OPCML: variants seen among roughly 807,000 people sequenced by gnomAD.
The protein encoded by OPCML is opioid binding protein/cell adhesion molecule like.
In OPCML, 13 loss-of-function variants were observed where a neutral mutation model predicts 37.8. The observed-to-expected ratio is 0.34, with a 90% confidence interval of 0.22 to 0.55. The LOEUF is 0.55. OPCML is among the 20% of genes least tolerant of loss of function. The pLI is 0.91. For missense variants in OPCML, 341 were observed against 435.6 expected (o/e 0.78, Z 1.93); for synonymous variants, 176 against 168.8 (o/e 1.04, Z -0.33).
intron 2 of OPCML, among the ~76,000 whole-genome samples, chr11:132,924,014 C>T (rs941692541): frequency 2.0e-5 from 3 of 151,758 alleles, no homozygotes; most frequent in Non-Finnish European, 2.9e-5. Context: ...CCGCCCGCCT[C>T]GGCCTCCCAA....
At chr11:132,641,461 A>G (rs1940847312) in intron 3 of OPCML, among the ~76,000 whole-genome samples, 1 of 152,082 alleles carries the variant, frequency 6.6e-6, no homozygotes, top group Non-Finnish European at 1.5e-5. Flanking sequence ...TCCTTTGAAC[A>G]TTGCCTGGAC....
intron 1 of OPCML, among the ~76,000 whole-genome samples, chr11:133,434,831 C>CACAT (rs1555158201): frequency 4.9e-5 from 7 of 143,534 alleles, no homozygotes; most frequent in African/African-American, 1.8e-4. Flanking sequence ...TATACACACA[C>CACAT]ATATATATAT....
intron 3 of OPCML, among the ~76,000 whole-genome samples, chr11:132,626,233 G>A (rs955047441): frequency 6.6e-6 from 1 of 151,764 alleles, no homozygotes; most frequent in Non-Finnish European, 1.5e-5. Flanking sequence ...CAGAAGGACT[G>A]ACACTAAACA....
At chr11:132,619,561 C>G (rs1255414384) in intron 3 of OPCML, among the ~76,000 whole-genome samples, 1 of 151,618 alleles carries the variant, frequency 6.6e-6, no homozygotes, top group East Asian at 1.9e-4. Flanking sequence ...CTAAAACGGC[C>G]GGGTGCGGTG....
At chr11:132,482,829 T>C (rs1028345466) in intron 4 of OPCML, among the ~76,000 whole-genome samples, 3 of 151,294 alleles carry the variant, frequency 2.0e-5, no homozygotes, top group Non-Finnish European at 2.9e-5. Flanking sequence ...CACATGATTA[T>C]CTCAATAGAT....
intron 2 of OPCML, among the ~76,000 whole-genome samples, chr11:132,783,511 T>G (rs1947103289): frequency 6.6e-6 from 1 of 152,202 alleles, no homozygotes; most frequent in African/African-American, 2.4e-5. Flanking sequence ...AATTTTATTC[T>G]TAAATAAGTT....
At chr11:133,390,480 C>T (rs1344562126) in intron 1 of OPCML, among the ~76,000 whole-genome samples, 2 of 151,610 alleles carry the variant, frequency 1.3e-5, no homozygotes, top group South Asian at 2.1e-4. Context: ...ACAACAACAA[C>T]GACAACAACA....
chr11:132,925,472 G>A (rs1263830597), intron 2 of OPCML, among the ~76,000 whole-genome samples: 4 of 152,090 alleles, frequency 2.6e-5, no homozygotes, highest in Non-Finnish European at 4.4e-5. Context: ...TTTCCAAATG[G>A]TTACCCTGCT....
intron 1 of OPCML, among the ~76,000 whole-genome samples, chr11:133,089,253 G>T (rs1294942751): frequency 1.3e-5 from 2 of 152,122 alleles, no homozygotes; most frequent in Non-Finnish European, 2.9e-5. Flanking sequence ...AAAAAAACAG[G>T]CATACATTAT....
At chr11:133,332,661 CT>C (rs1943647837) in intron 1 of OPCML, among the ~76,000 whole-genome samples, 1 of 151,952 alleles carries the variant, frequency 6.6e-6, no homozygotes, top group Admixed American at 6.6e-5. Flanking sequence ...AAGTTAAAAA[CT>C]TTATGTTAAA....
At chr11:132,765,956 T>A (rs1029197930) in intron 2 of OPCML, among the ~76,000 whole-genome samples, 1 of 152,124 alleles carries the variant, frequency 6.6e-6, no homozygotes, top group African/African-American at 2.4e-5. Flanking sequence ...CAAAAAATAA[T>A]GAGCACACAT....
rs1945764893 is a variant in OPCML at position 132,947,283 on chromosome 11, G to A, written c.62-4273C>T. On this transcript the variant is annotated intron_variant, in intron 1 of 7. Coordinates refer to ENST00000524381, the MANE Select transcript of OPCML (RefSeq NM_001012393.5). ...TAAAGAAGAGCAGCAGAGATGGGCAGAAGCGAGGTGTAAATTTTCTTAACA... is the reference window on the plus strand; with the variant it reads ...TAAAGAAGAGCAGCAGAGATGGGCAAAAGCGAGGTGTAAATTTTCTTAACA... 5.3e-5 allele frequency among the ~76,000 whole-genome samples: 8 copies of A among 152,244 alleles called. No homozygotes were observed. In the South Asian group the frequency reaches 1.7e-3, roughly 31 times the overall value.
rs544895755 is a variant in OPCML at position 132,582,233 on chromosome 11, T to C, written c.380-53047A>G. Among the ~76,000 whole-genome samples, 10 of 151,952 alleles carry C rather than the reference T, an allele frequency of 6.6e-5. No homozygotes were observed. The South Asian group carries it at 8.3e-4, about 13-fold the overall frequency. ...AGAACAATTTTATGATAATTTCTAC[T>C]ATAGAACAACCTAAAAACAGTTTAT... is the stretch of plus-strand genomic sequence containing the variant. On this transcript the variant is annotated intron_variant, in intron 3 of 7. Transcript: ENST00000524381.
rs1357353926 is a variant in OPCML at position 132,529,135 on chromosome 11, C to T, written c.431G>A (p.Ser144Asn). ...AGCAAGACACAGCAGGGTCACACTG[C>T]TTCCCTCATTCACAGTGATGTCTGA... ...ISSDITVNEG[S>N]SVTLLCLAIG... The change falls in exon 4 of 8, where the codon AGC becomes AAC. Residue 144 changes from serine (S) to asparagine (N), a missense_variant. Transcript: ENST00000524381. The T allele has an allele frequency of 6.2e-7, 1 of 1,613,420 alleles. No individual in the cohort carries two copies. Among genetic ancestry groups the T allele is most frequent in the Non-Finnish European group, 8.5e-7 (1 of 1,179,588 alleles).
intron 3 of OPCML, among the ~76,000 whole-genome samples, chr11:132,630,738 C>G (rs1405871296): frequency 6.6e-6 from 1 of 152,130 alleles, no homozygotes; most frequent in African/African-American, 2.4e-5. Flanking sequence ...ACTTCACCAT[C>G]TATCTCTACC....
chr11:133,033,979 T>C lies in OPCML; in HGVS notation c.62-90969A>G, dbSNP rs955963082. Among the ~76,000 whole-genome samples the C allele has an allele frequency of 1.4e-4, 21 of 152,182 alleles. 1 individual carries two copies. Among genetic ancestry groups the C allele is most frequent in the Non-Finnish European group, 1.0e-4 (7 of 68,036 alleles). ...CAAATCCATTTGTCTCCAAAAACAG[T>C]AATCTTAACTGACACCCTTTATTAC... On this transcript the variant is annotated intron_variant, in intron 1 of 7. Coordinates refer to ENST00000524381, the MANE Select transcript of OPCML (RefSeq NM_001012393.5).
intron 3 of OPCML, among the ~76,000 whole-genome samples, chr11:132,608,317 A>G (rs1938432995): frequency 6.6e-6 from 1 of 152,174 alleles, no homozygotes; most frequent in Non-Finnish European, 1.5e-5. Context: ...CTTCAGATCC[A>G]CACTCTGCTC....
intron 1 of OPCML, among the ~76,000 whole-genome samples, chr11:133,247,515 C>G (rs1456232899): frequency 2.5e-5 from 3 of 118,074 alleles, no homozygotes; most frequent in Non-Finnish European, 5.5e-5. Flanking sequence ...CTGAAGTTTT[C>G]TTTTTTCTTT....
intron 1 of OPCML, among the ~76,000 whole-genome samples, chr11:133,061,955 C>T (rs1172367965): frequency 6.6e-6 from 1 of 152,050 alleles, no homozygotes; most frequent in African/African-American, 2.4e-5. Flanking sequence ...TGAGGAAGCC[C>T]ATTGGATGGG....
Sources: allele counts gnomAD v4.1 joint callset (sites outside exome capture counted in the v4.1 genomes callset), GRCh38; gene constraint gnomAD v4.1.1; transcripts MANE v1.5; gene names NCBI Gene and HGNC (gene_info 2026-07-23, HGNC 2026-07-21).